The following CBL variants were observed in gnomAD, a reference collection of about 807,000 sequenced individuals.
The protein encoded by CBL is Cbl proto-oncogene.
Under a neutral mutation model 96.9 loss-of-function variants are expected in CBL, and 45 were observed. That is an observed-to-expected ratio of 0.46 (90% CI 0.37 to 0.60). The LOEUF (loss-of-function observed/expected upper bound fraction) is 0.60, where lower values mean the gene tolerates loss of function less well. Among genes scored for constraint, CBL ranks in the 20% least tolerant of loss-of-function variants. CBL has a pLI of 0.00. For synonymous variants in CBL, 420 were observed against 426.8 expected (o/e 0.98, Z 0.20); for missense variants, 1,024 against 1,143.5 (o/e 0.90, Z 1.51).
chr11:119,286,210 G>A (rs1325510088), intron 11 of CBL, among the ~76,000 whole-genome samples: 3 of 152,124 alleles, frequency 2.0e-5, no homozygotes, highest in African/African-American at 7.2e-5. Flanking sequence ...TGAGGCAGGA[G>A]ATTCATTTGA....
chr11:119,271,895 T>G lies in CBL; in HGVS notation c.590+14T>G, dbSNP rs200700469. ...TTTTGGGGAAAAGTAAGTCTCAGAATAATGAATTTGAACTATGAAAAACTA... is the reference window on the plus strand; with the variant it reads ...TTTTGGGGAAAAGTAAGTCTCAGAAGAATGAATTTGAACTATGAAAAACTA... On this transcript the variant is annotated intron_variant, in intron 3 of 15. Coordinates refer to ENST00000264033, the MANE Select transcript of CBL (RefSeq NM_005188.4). 2 of 1,613,160 alleles carry G rather than the reference T, an allele frequency of 1.2e-6. No homozygotes were observed. Among genetic ancestry groups the G allele is most frequent in the Non-Finnish European group, 1.7e-6 (2 of 1,179,242 alleles).
chr11:119,273,774 C>A, intron 3 of CBL, 94 bp from the exon 4 acceptor site: 1 of 1,067,080 alleles, frequency 9.4e-7, no homozygotes, highest in Non-Finnish European at 1.4e-6. Flanking sequence ...GTATTGAGAG[C>A]TTAATGTGGC....
At chr11:119,252,110 C>T (rs1393147263) in intron 2 of CBL, among the ~76,000 whole-genome samples, 3 of 151,708 alleles carry the variant, frequency 2.0e-5, no homozygotes, top group Non-Finnish European at 4.4e-5. Context: ...AAGCTTAAAT[C>T]CTGTGTGTTA....
At chr11:119,212,797 G>A (rs1169120484) in intron 1 of CBL, among the ~76,000 whole-genome samples, 1 of 151,862 alleles carries the variant, frequency 6.6e-6, no homozygotes, top group Non-Finnish European at 1.5e-5. Flanking sequence ...GATCACCTGA[G>A]GTCAGCAGTT....
chr11:119,285,313 G>T lies in CBL; in HGVS notation c.1688G>T (p.Arg563Leu). The change falls in exon 11 of 16, where the codon CGC becomes CTC. Residue 563 changes from arginine to leucine, a missense_variant. Coordinates refer to ENST00000264033, the MANE Select transcript of CBL (RefSeq NM_005188.4). Reference sequence around the variant, plus strand: ...GGAGCAGAATCCCGACCTCAAAGACGCCCCTTGCCTTGTACACCAGGCGAC... The same window carrying T: ...GGAGCAGAATCCCGACCTCAAAGACTCCCCTTGCCTTGTACACCAGGCGAC... Reference protein sequence around the residue: ...SVGAESRPQRRPLPCTPGDCP... With the variant: ...SVGAESRPQRLPLPCTPGDCP... The T allele has an allele frequency of 6.2e-7, 1 of 1,613,992 alleles. No individual in the cohort carries two copies. Among genetic ancestry groups the T allele is most frequent in the Non-Finnish European group, 8.5e-7 (1 of 1,180,028 alleles).
In CBL at chr11:119,241,778, A is replaced by G. The variant is rs139402316; in HGVS notation, c.443+9083A>G. On this transcript the variant is annotated intron_variant, in intron 2 of 15. Transcript: ENST00000264033. ...TTGCATTTAGGAAAGGGACAGCAAC[A>G]TGGGTCCTGAAAAAGATTTTCAGTC... Among the ~76,000 whole-genome samples, 462 of 152,336 alleles carry G rather than the reference A, an allele frequency of 3.0e-3. 7 individuals are homozygous for G. The highest frequency in any genetic ancestry group is 0.027 in the Admixed American group (407 of 15,292).
Position 119,300,386 on chromosome 11 carries a change from C to A in CBL, c.*605C>A. 2.5e-6 allele frequency: 1 copy of A among 407,138 alleles called. No individual in the cohort carries two copies. Among genetic ancestry groups the A allele is most frequent in the South Asian group, 1.1e-4 (1 of 8,808 alleles). 25.2% of individuals were successfully genotyped at this position (407,138 alleles called of 1,614,324 possible). A position where few individuals can be genotyped will look rare whatever the true frequency, so the allele number is the denominator to read the frequency against. On this transcript the variant is annotated 3_prime_UTR_variant, in exon 16 of 16. Transcript: ENST00000264033. ...CTTCTATTTTTAGAACACCTTCTGT[C>A]TGTTCTTTCCCCATCAACTCCTTCC...
chr11:119,221,629 G>A (rs1006431038), intron 1 of CBL, among the ~76,000 whole-genome samples: 21 of 151,988 alleles, frequency 1.4e-4, no homozygotes, highest in Admixed American at 2.0e-4. Context: ...TTAGCCAGGC[G>A]TGGTGGCGCA....
intron 6 of CBL, among the ~76,000 whole-genome samples, chr11:119,277,366 A>T (rs1949898122): frequency 6.6e-6 from 1 of 152,096 alleles, no homozygotes; most frequent in Non-Finnish European, 1.5e-5. Flanking sequence ...GGGAGCCAAG[A>T]TAGCTTTTCC....
intron 2 of CBL, among the ~76,000 whole-genome samples, chr11:119,237,009 G>A (rs1949551693): frequency 6.6e-6 from 1 of 152,166 alleles, no homozygotes; most frequent in Admixed American, 6.6e-5. Flanking sequence ...GTAGTGTGAT[G>A]TAATTTCACA....
intron 1 of CBL, among the ~76,000 whole-genome samples, chr11:119,226,240 A>G (rs1949457547): frequency 6.6e-6 from 1 of 152,170 alleles, no homozygotes; most frequent in Admixed American, 6.6e-5. Context: ...GGTTCTGGGA[A>G]TCATCAAAGG....
intron 2 of CBL, among the ~76,000 whole-genome samples, chr11:119,256,906 T>A (rs1949716277): frequency 1.3e-5 from 2 of 152,222 alleles, no homozygotes. Context: ...TTTCATTTTT[T>A]TCTATGGCTG....
intron 1 of CBL, among the ~76,000 whole-genome samples, chr11:119,227,011 T>C (rs1251965803): frequency 1.3e-5 from 2 of 152,208 alleles, no homozygotes; most frequent in Non-Finnish European, 2.9e-5. Context: ...TTTAAGACCA[T>C]TGAAGTACAA....
rs1305892386 is a variant in CBL at position 119,300,124 on chromosome 11, C to T, written c.*343C>T. ...AATCCTAATTGAGGACTTAAGACTTCCTGGGTTAAGGATGTGGCCGTGTGT... is the reference window on the plus strand; with the variant it reads ...AATCCTAATTGAGGACTTAAGACTTTCTGGGTTAAGGATGTGGCCGTGTGT... On this transcript the variant is annotated 3_prime_UTR_variant, in exon 16 of 16. Transcript: ENST00000264033. The T allele has an allele frequency of 5.5e-6, 3 of 544,558 alleles. No individual in the cohort carries two copies. Among genetic ancestry groups the T allele is most frequent in the African/African-American group, 3.8e-5 (2 of 52,828 alleles). The allele number at this position is 544,558 out of a possible 1,614,324, so 33.7% of individuals were successfully genotyped here. A position where few individuals can be genotyped will look rare whatever the true frequency, so the allele number is the denominator to read the frequency against.
At chr11:119,264,381 CTTTTCTTTT>C (rs1187349640) in intron 2 of CBL, among the ~76,000 whole-genome samples, 1 of 138,444 alleles carries the variant, frequency 7.2e-6, no homozygotes, top group East Asian at 2.2e-4. Flanking sequence ...TATGATCTTT[CTTTTCTTTT>C]CTCTTCTCTT....
intron 2 of CBL, among the ~76,000 whole-genome samples, chr11:119,263,114 TA>T (rs1380568419): frequency 6.6e-6 from 1 of 152,228 alleles, no homozygotes; most frequent in African/African-American, 2.4e-5. Context: ...CTCTTAGTGT[TA>T]ACTGCTAGAG....
intron 9 of CBL, among the ~76,000 whole-genome samples, chr11:119,283,625 C>CTTTTCTTT (rs1949955263): frequency 2.2e-5 from 1 of 45,514 alleles, no homozygotes; most frequent in Non-Finnish European, 4.1e-5. Flanking sequence ...TTAATTCTTT[C>CTTTTCTTT]TTTTTTTTTT....
rs1331266081 is a variant in CBL at position 119,261,384 on chromosome 11, C to T, written c.444-10351C>T. ...GGAAATGCTATGTTTAAATGGAAAT[C>T]GATGTCTAAGTTACATACTCAGGAG... On this transcript the variant is annotated intron_variant, in intron 2 of 15. Transcript: ENST00000264033. Among the ~76,000 whole-genome samples, 6 of 152,074 alleles carry T rather than the reference C, an allele frequency of 3.9e-5. No individual in the cohort carries two copies. The East Asian group carries it at 5.8e-4, about 15-fold the overall frequency.
Position 119,270,436 on chromosome 11 carries a change from A to ATATTT in CBL, c.444-1298_444-1297insATTTT, listed in dbSNP as rs1565870008. ...AATTTTTATATATATATATATATAT[A>ATATTT]TTTTTTTTTTTTTTTTTTTTTTTTT... is the stretch of plus-strand genomic sequence containing the variant. On this transcript the variant is annotated intron_variant, in intron 2 of 15. Coordinates refer to ENST00000264033, the MANE Select transcript of CBL (RefSeq NM_005188.4). Among the ~76,000 whole-genome samples, 70 of 38,666 alleles carry ATATTT rather than the reference A, an allele frequency of 1.8e-3. 7 individuals carry two copies. Among genetic ancestry groups the ATATTT allele is most frequent in the East Asian group, 4.3e-3 (4 of 926 alleles). The allele number at this position is 38,666 out of a possible 152,430, so 25.4% of individuals were successfully genotyped here. A position where few individuals can be genotyped will look rare whatever the true frequency, so the allele number is the denominator to read the frequency against.
Sources: allele counts gnomAD v4.1 joint callset (sites outside exome capture counted in the v4.1 genomes callset), GRCh38; gene constraint gnomAD v4.1.1; transcripts MANE v1.5; gene names NCBI Gene and HGNC (gene_info 2026-07-23, HGNC 2026-07-21).